Variants in KIFBP observed in about 807,000 individuals in gnomAD.
The protein encoded by KIFBP is kinesin family binding protein.
In KIFBP, 46 loss-of-function variants were observed where a neutral mutation model predicts 58.9. The ratio of observed to expected loss-of-function variants is 0.78; its 90% CI spans 0.62 to 1.00. The LOEUF (loss-of-function observed/expected upper bound fraction) is 1.00. Ranked by LOEUF, KIFBP falls within the 50% of genes least tolerant of loss-of-function variation. The pLI, the probability that KIFBP is intolerant of heterozygous loss-of-function variation, is 0.00. For synonymous variants in KIFBP, 241 were observed against 283.4 expected (o/e 0.85, Z 1.50); for missense variants, 651 against 752.9 (o/e 0.86, Z 1.58).
rs1171624838 is a variant in KIFBP, at chr10:68,991,578, C to T, written c.426+2320C>T. On this transcript the variant is annotated intron_variant, in intron 1 of 6. Coordinates refer to ENST00000361983, the MANE Select transcript of KIFBP (RefSeq NM_015634.4). ...TGGCAGCAAGTGCTGGAGGTCATCA[C>T]GTGCAGTACAAAAAGCTAGCTGACA... The T allele has an allele frequency of 3.5e-5, 14 of 403,506 alleles. No homozygotes were observed. The East Asian group carries it at 6.5e-4, about 19-fold the overall frequency. The allele number at this position is 403,506 out of a possible 1,614,324, so 25.0% of individuals were successfully genotyped here.
intron 2 of KIFBP, among the ~76,000 whole-genome samples, 185 bp from the exon 3 acceptor site, chr10:69,004,861 C>T (rs571972430): frequency 1.9e-4 from 29 of 152,168 alleles, no homozygotes; most frequent in South Asian, 1.2e-3. Context: ...GACAGAGACC[C>T]TGTCTCAATA....
At chr10:69,013,740 T>C (rs1261431054) in intron 6 of KIFBP, among the ~76,000 whole-genome samples, 1 of 152,172 alleles carries the variant, frequency 6.6e-6, no homozygotes, top group Non-Finnish European at 1.5e-5. Context: ...ACTAAACTAC[T>C]CAGATTTTCC....
At chr10:69,002,639 A>C (rs1410896091) in intron 2 of KIFBP, among the ~76,000 whole-genome samples, 2 of 152,086 alleles carry the variant, frequency 1.3e-5, no homozygotes, top group South Asian at 2.1e-4. Context: ...TAATCCCAGC[A>C]CTTTGGGAGG....
intron 5 of KIFBP, among the ~76,000 whole-genome samples, chr10:69,010,611 A>G (rs1589297619): frequency 6.6e-6 from 1 of 152,340 alleles, no homozygotes; most frequent in East Asian, 1.9e-4. Flanking sequence ...AAATAATAGA[A>G]TATCTATTTA....
At chr10:69,001,484 G>A (rs1843464979) in intron 2 of KIFBP, among the ~76,000 whole-genome samples, 1 of 152,188 alleles carries the variant, frequency 6.6e-6, no homozygotes, top group South Asian at 2.1e-4. Context: ...GCTGAGCATG[G>A]TGGCTCATGC....
At chr10:69,005,196 C>A (rs540615328) in intron 3 of KIFBP, 71 bp downstream of exon 3, 1 of 1,142,660 alleles carries the variant, frequency 8.8e-7, no homozygotes, top group South Asian at 1.2e-5. Context: ...TTCAAAAAGT[C>A]ACTTATAAAG....
At chr10:69,003,520 A>G (rs1351910588) in intron 2 of KIFBP, among the ~76,000 whole-genome samples, 1 of 152,230 alleles carries the variant, frequency 6.6e-6, no homozygotes, top group Non-Finnish European at 1.5e-5. Context: ...AGATGGGACT[A>G]TCCTCATAGA....
chr10:69,000,632 C>A (rs1462532781), intron 2 of KIFBP, 110 bp downstream of exon 2: 7 of 788,082 alleles, frequency 8.9e-6, no homozygotes, highest in Non-Finnish European at 1.6e-5. Context: ...TGCCCTAGAA[C>A]TTCTCTATAG....
At chr10:69,009,689 A>G (rs1194796730) in intron 5 of KIFBP, among the ~76,000 whole-genome samples, 2 of 152,230 alleles carry the variant, frequency 1.3e-5, no homozygotes, top group Non-Finnish European at 2.9e-5. Context: ...CCAAATACCC[A>G]TCTTTTTAAG....
At chr10:69,001,487 G>A (rs184067105) in intron 2 of KIFBP, among the ~76,000 whole-genome samples, 1 of 152,302 alleles carries the variant, frequency 6.6e-6, no homozygotes, top group African/African-American at 2.4e-5. Context: ...GAGCATGGTG[G>A]CTCATGCCTG....
chr10:68,999,562 C>T (rs554687878), intron 1 of KIFBP, among the ~76,000 whole-genome samples: 10 of 152,106 alleles, frequency 6.6e-5, no homozygotes, highest in Admixed American at 2.6e-4. Flanking sequence ...TGCTGGGGCT[C>T]GCAGTAATAC....
rs547683284 is a variant in KIFBP, at chr10:69,014,039, C to G, written c.991-1502C>G. 5.3e-5 allele frequency among the ~76,000 whole-genome samples: 8 copies of G among 152,338 alleles called. No individual in the cohort carries two copies. In the East Asian group the frequency reaches 1.5e-3, roughly 29 times the overall value. Reference sequence around the variant, plus strand: ...GTGCTGGGATTACAGGTGTGAGCCACTGCGCTCACCCCTGACTTTATTTTT... The same window carrying G: ...GTGCTGGGATTACAGGTGTGAGCCAGTGCGCTCACCCCTGACTTTATTTTT... On this transcript the variant is annotated intron_variant, in intron 6 of 6. Coordinates refer to ENST00000361983, the MANE Select transcript of KIFBP (RefSeq NM_015634.4).
At chr10:68,992,181 C>T (rs892044615) in intron 1 of KIFBP, among the ~76,000 whole-genome samples, 7 of 151,862 alleles carry the variant, frequency 4.6e-5, no homozygotes, top group East Asian at 1.9e-4. Context: ...TTTAGAGAGA[C>T]GGTGTTTCAC....
At position 69,000,541 on chromosome 10, in the gene KIFBP, G is replaced by A. The variant is rs2132110811; in HGVS notation, c.525+19G>A. 5.5e-6 allele frequency: 8 copies of A among 1,444,388 alleles called. No homozygotes were observed. Among genetic ancestry groups the A allele is most frequent in the Non-Finnish European group, 7.8e-6 (8 of 1,026,086 alleles). 89.5% of individuals were successfully genotyped at this position (1,444,388 alleles called of 1,614,324 possible). ...GAAAGAGGTATGTTACATGTCAGAT[G>A]AGTTTTAAGTTTTGATTGAAACTAG... On this transcript the variant is annotated intron_variant, in intron 2 of 6. Coordinates refer to ENST00000361983, the MANE Select transcript of KIFBP (RefSeq NM_015634.4).
At chr10:69,003,017 G>A (rs1843486449) in intron 2 of KIFBP, among the ~76,000 whole-genome samples, 1 of 126,366 alleles carries the variant, frequency 7.9e-6, no homozygotes, top group African/African-American at 3.1e-5. Context: ...AGACCAACAT[G>A]AGCAACAAAG....
chr10:69,015,175 G>A (rs1362521448), intron 6 of KIFBP, among the ~76,000 whole-genome samples: 2 of 152,126 alleles, frequency 1.3e-5, no homozygotes, highest in East Asian at 3.9e-4. Flanking sequence ...GTCCGCCTTG[G>A]CCTCCCAAAG....
chr10:69,000,302 A>C (rs1399414046), intron 1 of KIFBP, 122 bp from the exon 2 acceptor site: 2 of 714,910 alleles, frequency 2.8e-6, no homozygotes, highest in Non-Finnish European at 5.1e-6. Flanking sequence ...GTGAATAATT[A>C]ATTCATTGGT....
At chr10:69,013,718 A>G (rs1054445650) in intron 6 of KIFBP, among the ~76,000 whole-genome samples, 6 of 152,106 alleles carry the variant, frequency 3.9e-5, no homozygotes, top group African/African-American at 1.4e-4. Flanking sequence ...AAACTCACAT[A>G]TTTGCCATGC....
intron 2 of KIFBP, among the ~76,000 whole-genome samples, chr10:69,004,091 G>C (rs531551906): frequency 1.6e-4 from 24 of 151,892 alleles, no homozygotes; most frequent in Non-Finnish European, 3.1e-4. Context: ...GTGGTGGCAC[G>C]TGTCTGTAAT....
Sources: gnomAD v4.1 joint callset for allele counts (sites outside exome capture counted in the v4.1 genomes callset) on GRCh38, gnomAD v4.1.1 for gene constraint, MANE v1.5 for transcripts, NCBI Gene and HGNC (gene_info 2026-07-23, HGNC 2026-07-21) for gene names.